EXPH5: variants seen among roughly 807,000 people sequenced by gnomAD.
EXPH5 encodes the protein exophilin 5.
EXPH5 carries 42 observed loss-of-function variants against 41.1 expected under a neutral mutation model. The ratio of observed to expected loss-of-function variants is 1.02; its 90% CI spans 0.80 to 1.32. EXPH5 has a LOEUF of 1.32. EXPH5 is among the 40% of genes most tolerant of loss of function. The pLI is 0.00. For missense variants in EXPH5, 2,298 were observed against 2,314.5 expected, an observed-to-expected ratio of 0.99 and a Z score of 0.15; for synonymous variants, 798 against 833.5, an observed-to-expected ratio of 0.96 and a Z score of 0.73.
Position 108,593,749 on chromosome 11 carries a change from T to A in EXPH5, c.-213A>T. ...TTAATGACATGTTTCTCTCAACCTG[T>A]CCAACCGAGATGCAAAGTGAACGGC... On this transcript the variant is annotated 5_prime_UTR_variant, in exon 1 of 6. Coordinates refer to ENST00000265843, the MANE Select transcript of EXPH5 (RefSeq NM_015065.3). 6.5e-7 allele frequency: 1 copy of A among 1,536,058 alleles called. No homozygotes were observed. The highest frequency in any genetic ancestry group is 1.2e-5 in the South Asian group (1 of 84,142).
At chr11:108,518,453 C>T in intron 4 of EXPH5, 80 bp from the exon 5 acceptor site, 1 of 1,326,930 alleles carries the variant, frequency 7.5e-7, no homozygotes, top group Non-Finnish European at 1.1e-6. Flanking sequence ...CCAAACTGTC[C>T]CAAGCTTAAA....
In EXPH5 at chr11:108,536,909, C is replaced by G. The variant is rs377199255; in HGVS notation, c.443+2115G>C. 1.6e-3 allele frequency among the ~76,000 whole-genome samples: 242 copies of G among 152,304 alleles called. 1 individual carries two copies. Among genetic ancestry groups the G allele is most frequent in the African/African-American group, 5.5e-3 (230 of 41,564 alleles). The stretch of plus-strand genomic sequence containing the variant: ...CTTTACTGATTTGTTTTCCAGAACA[C>G]TGAGTGTGACAGTCAAGCCCTTGAC... On this transcript the variant is annotated intron_variant, in intron 3 of 5. Transcript: ENST00000265843.
chr11:108,545,081 A>C (rs536677304), intron 1 of EXPH5, among the ~76,000 whole-genome samples: 1 of 152,102 alleles, frequency 6.6e-6, no homozygotes, highest in African/African-American at 2.4e-5. Context: ...TTACTTTTTC[A>C]GTGTGATTTT....
chr11:108,597,267 A>C (rs2094140126), upstream of EXPH5, among the ~76,000 whole-genome samples: 1 of 152,126 alleles, frequency 6.6e-6, no homozygotes, highest in Non-Finnish European at 1.5e-5. Flanking sequence ...GCTCAATCTC[A>C]GCTCACTGCA....
At position 108,514,554 on chromosome 11, in the gene EXPH5, C is replaced by A. The variant is rs769777504; in HGVS notation, c.953G>T (p.Ser318Ile). 6.2e-7 allele frequency: 1 copy of A among 1,614,022 alleles called. No individual in the cohort carries two copies. Among genetic ancestry groups the A allele is most frequent in the South Asian group, 1.1e-5 (1 of 91,052 alleles). The change falls in exon 6 of 6, where the codon AGT becomes ATT. Residue 318 changes from serine (S) to isoleucine (I), a missense_variant. Physicochemically the swap from Ser to Ile is moderately radical, Grantham distance 142. Transcript: ENST00000265843. Reference sequence around the variant, plus strand: ...CCTGCTGTCAAAACACAGCGAAGTACTGCCAAAAGTATTCTTTTGCACATA... The same window carrying A: ...CCTGCTGTCAAAACACAGCGAAGTAATGCCAAAAGTATTCTTTTGCACATA... ...EDYVQKNTFG[S>I]TSLCFDSRQR...
In EXPH5 at chr11:108,514,341, A is replaced by C; in HGVS notation, c.1166T>G (p.Leu389Arg). ...SRDRENQEEF[L>R]RAPSPMEIDP... Reference sequence around the variant, plus strand: ...AATTTCCATTGGTGATGGTGCCCTCAGGAACTCTTCCTGGTTCTCCCTGTC... The same window carrying C: ...AATTTCCATTGGTGATGGTGCCCTCCGGAACTCTTCCTGGTTCTCCCTGTC... Residue 389 changes from leucine to arginine, a missense_variant, in exon 6 of 6, where the codon CTG becomes CGG. Physicochemically the swap from Leu to Arg is moderately radical, Grantham distance 102. Transcript: ENST00000265843. 1 of 1,613,520 alleles carries C rather than the reference A, an allele frequency of 6.2e-7. No individual in the cohort carries two copies. Among genetic ancestry groups the C allele is most frequent in the Non-Finnish European group, 8.5e-7 (1 of 1,179,712 alleles).
the EXPH5 span, among the ~76,000 whole-genome samples, chr11:108,600,737 G>C: frequency 6.6e-6 from 1 of 152,014 alleles, no homozygotes; most frequent in African/African-American, 2.4e-5. Context: ...TCTCATATAT[G>C]GGGCGCACTT....
Position 108,510,611 on chromosome 11 carries a change from T to G in EXPH5, c.4896A>C (p.Leu1632Phe). Residue 1632 changes from leucine to phenylalanine, a missense_variant, in exon 6 of 6, where the codon TTA becomes TTC. By Grantham distance (22) the Leu-to-Phe change is conservative (BLOSUM62 0). Coordinates refer to ENST00000265843, the MANE Select transcript of EXPH5 (RefSeq NM_015065.3). ...QSGSRSGFDH[L>F]SLGTVECNPL... ...GGTTGCACTCCACTGTGCCAAGAGA[T>G]AAATGGTCAAAGCCAGATCTGCTTC... is the stretch of plus-strand genomic sequence containing the variant. 6.2e-7 allele frequency: 1 copy of G among 1,614,132 alleles called. No individual in the cohort carries two copies. Among genetic ancestry groups the G allele is most frequent in the Non-Finnish European group, 8.5e-7 (1 of 1,180,000 alleles).
intron 3 of EXPH5, among the ~76,000 whole-genome samples, chr11:108,530,810 C>T (rs1048302159): frequency 6.6e-6 from 1 of 152,164 alleles, no homozygotes. Flanking sequence ...GAGGGCGTGC[C>T]GCTAGTGGAA....
chr11:108,582,082 G>A (rs7105408), intron 1 of EXPH5, among the ~76,000 whole-genome samples: 9,806 of 152,202 alleles, frequency 0.064, 843 homozygotes, highest in African/African-American at 0.2. Flanking sequence ...AGCAATGCCA[G>A]GGCTATATAA....
chr11:108,585,044 A>T (rs1195744503), intron 1 of EXPH5, among the ~76,000 whole-genome samples: 2 of 152,178 alleles, frequency 1.3e-5, no homozygotes, highest in African/African-American at 4.8e-5. Context: ...GAATTCTCAA[A>T]ATTCATCAAT....
chr11:108,522,888 T>G (rs2093774124), intron 4 of EXPH5, among the ~76,000 whole-genome samples: 1 of 151,862 alleles, frequency 6.6e-6, no homozygotes, highest in Admixed American at 6.6e-5. Flanking sequence ...CTTTCCAATT[T>G]TTTTTTTTTT....
chr11:108,562,637 C>G (rs1396976252), intron 1 of EXPH5, among the ~76,000 whole-genome samples: 1 of 151,636 alleles, frequency 6.6e-6, no homozygotes, highest in Non-Finnish European at 1.5e-5. Context: ...AGTAAAATTA[C>G]ATTCAATGCA....
chr11:108,541,841 CTTTA>C (rs758412858), intron 1 of EXPH5, 29 bp from the exon 2 acceptor site: 33 of 1,519,580 alleles, frequency 2.2e-5, no homozygotes, highest in African/African-American at 4.2e-5. Flanking sequence ...TTAATGTGGT[CTTTA>C]TTTATTTTCT....
Position 108,508,029 on chromosome 11 carries a change from A to T in EXPH5, c.*1508T>A, listed in dbSNP as rs1256669375. 2 of 148,290 alleles carry T rather than the reference A, an allele frequency of 1.3e-5. No individual in the cohort carries two copies. Among genetic ancestry groups the T allele is most frequent in the Non-Finnish European group, 2.9e-5 (2 of 67,856 alleles). The allele number at this position is 148,290 out of a possible 1,614,324, so 9.2% of individuals were successfully genotyped here. A position where few individuals can be genotyped will look rare whatever the true frequency, so the allele number is the denominator to read the frequency against. Reference sequence around the variant, plus strand: ...CAAAAAAAAAAAAAAAAAAAAAAAAATTAGCCAGGTGTGGTGGTGGGTGCC... The same window carrying T: ...CAAAAAAAAAAAAAAAAAAAAAAAATTTAGCCAGGTGTGGTGGTGGGTGCC... On this transcript the variant is annotated 3_prime_UTR_variant, in exon 6 of 6. Coordinates refer to ENST00000265843, the MANE Select transcript of EXPH5 (RefSeq NM_015065.3).
In EXPH5 at chr11:108,535,153, T is replaced by C. The variant is rs1591706725; in HGVS notation, c.443+3871A>G. ...AGCTAAGCTGCAGCAGTTCCGAAAT[T>C]TGAATGAGCACCCAAATATTCTGGA... On this transcript the variant is annotated intron_variant, in intron 3 of 5. Transcript: ENST00000265843. Among the ~76,000 whole-genome samples, 3 of 152,272 alleles carry C rather than the reference T, an allele frequency of 2.0e-5. No homozygotes were observed. The South Asian group carries it at 6.2e-4, about 32-fold the overall frequency.
intron 1 of EXPH5, among the ~76,000 whole-genome samples, chr11:108,553,737 A>T (rs1445626439): frequency 3.9e-5 from 6 of 152,230 alleles, no homozygotes; most frequent in Non-Finnish European, 7.3e-5. Context: ...GGGATAATAA[A>T]TGAGTTCTAC....
chr11:108,542,908 G>A (rs943762713), intron 1 of EXPH5, among the ~76,000 whole-genome samples: 3 of 152,000 alleles, frequency 2.0e-5, no homozygotes, highest in Non-Finnish European at 2.9e-5. Flanking sequence ...TAGTAGAGAC[G>A]GGGTTTTGCC....
intron 5 of EXPH5, among the ~76,000 whole-genome samples, chr11:108,515,435 C>T (rs1309661256): frequency 1.1e-5 from 1 of 92,976 alleles, no homozygotes; most frequent in Non-Finnish European, 2.0e-5. Flanking sequence ...AAGCTTAGCA[C>T]CTAATTTATG....
Sources: allele counts gnomAD v4.1 joint callset (sites outside exome capture counted in the v4.1 genomes callset), GRCh38; gene constraint gnomAD v4.1.1; transcripts MANE v1.5; gene names NCBI Gene and HGNC (gene_info 2026-07-23, HGNC 2026-07-21).